Variants in PLXNA1 observed in about 807,000 individuals in gnomAD.
PLXNA1 encodes the protein plexin-A1.
In PLXNA1, 77 loss-of-function variants were observed where a neutral mutation model predicts 191.7. The observed-to-expected ratio is 0.40, with a 90% CI of 0.33 to 0.49. The LOEUF (loss-of-function observed/expected upper bound fraction) is 0.49. Ranked by LOEUF, PLXNA1 falls within the 20% of genes least tolerant of loss-of-function variation. The pLI is 0.63. For missense variants in PLXNA1, 2,110 were observed against 2,660.2 expected (o/e 0.79, Z 4.55); for synonymous variants, 1,137 against 1,156.4 (o/e 0.98, Z 0.34).
intron 21 of PLXNA1, among the ~76,000 whole-genome samples, chr3:127,021,057 C>T (rs1386129083): frequency 6.6e-6 from 1 of 152,218 alleles, no homozygotes; most frequent in Admixed American, 6.5e-5. Context: ...TCACACTCTC[C>T]AGCTGAGGGC....
At position 127,027,967 on chromosome 3, in the gene PLXNA1, C is replaced by G. The variant is rs1448263989; in HGVS notation, c.4390C>G (p.Leu1464Val). Reference sequence around the variant, plus strand: ...GTGCGCTGGGGAGCCGCTGTTCATGCTGTACTGCGCCATCAAGCAGCAGAT... The same window carrying G: ...GTGCGCTGGGGAGCCGCTGTTCATGGTGTACTGCGCCATCAAGCAGCAGAT... ...KECAGEPLFM[L>V]YCAIKQQMEK... Residue 1464 changes from leucine to valine, a missense_variant, in exon 24 of 32, where the codon CTG (leucine) becomes GTG (valine). Physicochemically the swap from Leu to Val is conservative, Grantham distance 32. Coordinates refer to ENST00000393409, the MANE Select transcript of PLXNA1 (RefSeq NM_032242.4). 6 of 1,613,692 alleles carry G rather than the reference C, an allele frequency of 3.7e-6. No homozygotes were observed. Among genetic ancestry groups the G allele is most frequent in the Non-Finnish European group, 5.1e-6 (6 of 1,179,990 alleles).
At chr3:126,985,021 T>TC (rs977396018) in intron 1 of PLXNA1, among the ~76,000 whole-genome samples, 54 of 151,604 alleles carry the variant, frequency 3.6e-4, no homozygotes, top group African/African-American at 9.2e-4. Flanking sequence ...GCAGCTGTCT[T>TC]CCCCCCCGGC....
chr3:127,022,974 C>G (rs1052717303), intron 23 of PLXNA1, among the ~76,000 whole-genome samples, 156 bp downstream of exon 23: 1 of 152,218 alleles, frequency 6.6e-6, no homozygotes, highest in Non-Finnish European at 1.5e-5. Flanking sequence ...GGCATGCAGC[C>G]GCTCTCAGCT....
At chr3:126,994,400 T>C (rs1025473747) in intron 3 of PLXNA1, among the ~76,000 whole-genome samples, 1 of 152,146 alleles carries the variant, frequency 6.6e-6, no homozygotes, top group Non-Finnish European at 1.5e-5. Flanking sequence ...TTCCATCCGC[T>C]CTGCCTCCCT....
intron 21 of PLXNA1, 93 bp downstream of exon 21, chr3:127,020,437 G>A (rs1158993410): frequency 1.9e-5 from 28 of 1,492,274 alleles, no homozygotes; most frequent in Non-Finnish European, 2.5e-5. Context: ...GATGGTATGG[G>A]GCAGCCTGTG....
intron 10 of PLXNA1, 132 bp downstream of exon 10, chr3:127,012,290 A>C: frequency 1.0e-6 from 1 of 954,014 alleles, no homozygotes; most frequent in South Asian, 1.6e-5. Flanking sequence ...GATGAGTCAG[A>C]AGCCACTCCT....
chr3:127,015,467 G>A, intron 15 of PLXNA1, 147 bp downstream of exon 15: 1 of 1,135,286 alleles, frequency 8.8e-7, no homozygotes, highest in Non-Finnish European at 1.2e-6. Context: ...AGGTTACCAT[G>A]GAAACAGGCT....
chr3:127,026,291 C>G (rs577520584), intron 23 of PLXNA1: 23 of 152,206 alleles, frequency 1.5e-4, no homozygotes, highest in African/African-American at 5.6e-4. Context: ...TGTGAATGCC[C>G]GGCTCAGCCT....
At chr3:126,991,596 G>A (rs1300095295) in intron 3 of PLXNA1, 30 bp downstream of exon 3, 1 of 1,531,920 alleles carries the variant, frequency 6.5e-7, no homozygotes, top group African/African-American at 1.4e-5. Flanking sequence ...GGGTGAGGAG[G>A]GGGCTTGGGG....
At chr3:127,022,639 G>A in intron 22 of PLXNA1, 113 bp from the exon 23 acceptor site, 1 of 1,017,510 alleles carries the variant, frequency 9.8e-7, no homozygotes, top group Non-Finnish European at 1.5e-6. Context: ...GACCTTCGGT[G>A]CTGTAGGAAG....
chr3:127,027,830 G>A, intron 23 of PLXNA1, 110 bp from the exon 24 acceptor site: 2 of 1,451,810 alleles, frequency 1.4e-6, no homozygotes, highest in South Asian at 2.4e-5. Flanking sequence ...GGGAAGTGCT[G>A]CTCATTTCTC....
chr3:127,028,998 C>T lies in PLXNA1; in HGVS notation c.4675C>T (p.Arg1559Cys), dbSNP rs765698174. Residue 1559 changes from arginine to cysteine, a missense_variant, in exon 26 of 32, where the codon CGC (arginine) becomes TGC (cysteine). This residue lies in a region of PLXNA1 where 559 missense variants were observed against 911.5 expected (regional missense o/e 0.61). Coordinates refer to ENST00000393409, the MANE Select transcript of PLXNA1 (RefSeq NM_032242.4). ...PKAADMDLEW[R>C]QGRMARIILQ... is the part of the protein sequence containing the mutation. ...CCAGCTCCCTCCTCCCCCAGAGTGG[C>T]GCCAGGGCCGCATGGCGCGCATCAT... 8.7e-6 allele frequency: 14 copies of T among 1,611,614 alleles called. No homozygotes were observed. Among genetic ancestry groups the T allele is most frequent in the South Asian group, 7.7e-5 (7 of 91,044 alleles).
rs1232256637 is a variant in PLXNA1 at position 127,017,429 on chromosome 3, G to A, written c.3281G>A (p.Cys1094Tyr). The part of the protein sequence containing the change: ...KYGGIERENG[C>Y]LVYNDTTMVC... ...ATCCCCACCCTGTGTCTCCAGGGCT[G>A]CCTGGTGTACAATGACACCACCATG... The change falls in exon 18 of 32, where the codon TGC becomes TAC. Residue 1094 changes from cysteine (C) to tyrosine (Y), a missense_variant. Transcript: ENST00000393409. The A allele has an allele frequency of 6.2e-7, 1 of 1,612,198 alleles. No homozygotes were observed. The highest frequency in any genetic ancestry group is 8.5e-7 in the Non-Finnish European group (1 of 1,179,652).
intron 1 of PLXNA1, among the ~76,000 whole-genome samples, chr3:126,984,592 A>AT (rs2078948101): frequency 6.6e-6 from 1 of 152,190 alleles, no homozygotes; most frequent in South Asian, 2.1e-4. Flanking sequence ...TGAACCAGTG[A>AT]TTCGCTGCAG....
intron 3 of PLXNA1, among the ~76,000 whole-genome samples, chr3:127,000,014 G>A (rs1176110414): frequency 6.6e-6 from 1 of 152,064 alleles, no homozygotes; most frequent in Non-Finnish European, 1.5e-5. Context: ...CCAGCCAGGG[G>A]TGGGTGGGGG....
In PLXNA1 at chr3:127,005,250, G is replaced by GGC; in HGVS notation, c.1897+8_1897+9dup. ...CCCATCACGCGGGGCCAGGGTGAGT[G>GGC]GCCCCAACACAATGGTGCCCGCTGC... is the stretch of plus-strand genomic sequence containing the variant. On this transcript the variant is annotated splice_region_variant and intron_variant, in intron 7 of 31. Transcript: ENST00000393409. 6.2e-7 allele frequency: 1 copy of GGC among 1,600,410 alleles called. No individual in the cohort carries two copies. The highest frequency in any genetic ancestry group is 8.5e-7 in the Non-Finnish European group (1 of 1,174,336).
chr3:126,995,330 G>C (rs1254262620), intron 3 of PLXNA1, among the ~76,000 whole-genome samples: 2 of 152,162 alleles, frequency 1.3e-5, no homozygotes, highest in African/African-American at 2.4e-5. Flanking sequence ...GGGGACCCCG[G>C]GCCATGTCAG....
chr3:127,023,168 G>A (rs1189322764), intron 23 of PLXNA1, among the ~76,000 whole-genome samples: 1 of 152,186 alleles, frequency 6.6e-6, no homozygotes, highest in Non-Finnish European at 1.5e-5. Flanking sequence ...GAAGGCTCCA[G>A]TCCACCACCT....
At position 127,015,762 on chromosome 3, in the gene PLXNA1, G is replaced by A. The variant is rs577152715; in HGVS notation, c.3014+442G>A. Among the ~76,000 whole-genome samples the A allele has an allele frequency of 9.9e-4, 151 of 152,310 alleles. 2 individuals are homozygous for A. The highest frequency in any genetic ancestry group is 3.5e-3 in the African/African-American group (147 of 41,564). On this transcript the variant is annotated intron_variant, in intron 15 of 31. Transcript: ENST00000393409. ...GTTATCAGACTAATCATTGGTGTCT[G>A]CAGCTGAGGGGGCCTGGTGGCTGTG...
Sources: gnomAD v4.1 joint callset for allele counts (sites outside exome capture counted in the v4.1 genomes callset) on GRCh38, gnomAD v4.1.1 for gene constraint, gnomAD v4.1.1 regional missense constraint, MANE v1.5 for transcripts, NCBI Gene and HGNC (gene_info 2026-07-23, HGNC 2026-07-21) for gene names.